Variants in AOPEP observed in about 807,000 individuals in gnomAD.
AOPEP encodes the protein aminopeptidase O.
A neutral mutation model predicts 98.1 loss-of-function variants in AOPEP; 77 were observed. The ratio of observed to expected loss-of-function variants is 0.78; its 90% CI spans 0.65 to 0.95. AOPEP has a LOEUF of 0.95. Among genes scored for constraint, AOPEP ranks in the 40% least tolerant of loss-of-function variants. The pLI, the probability that AOPEP is intolerant of heterozygous loss-of-function variation, is 0.00. For synonymous variants in AOPEP, 346 were observed against 365.3 expected (o/e 0.95, Z 0.60); for missense variants, 1,024 against 1,024.7 (o/e 1.00, Z 0.01).
At chr9:94,809,964 G>A (rs776300212) in intron 5 of AOPEP, 10 of 156,082 alleles carry the variant, frequency 6.4e-5, no homozygotes, top group Non-Finnish European at 1.3e-4. Flanking sequence ...AGCTGATTGT[G>A]CTGCAGGTGT....
chr9:95,121,654 T>C, the AOPEP span, among the ~76,000 whole-genome samples: 3 of 152,186 alleles, frequency 2.0e-5, no homozygotes, highest in East Asian at 5.8e-4. Context: ...ATAACAGTAC[T>C]TCCCCACAGC....
intron 10 of AOPEP, among the ~76,000 whole-genome samples, chr9:94,969,448 T>C (rs1405047207): frequency 6.6e-6 from 1 of 151,392 alleles, no homozygotes; most frequent in Non-Finnish European, 1.5e-5. Flanking sequence ...TCTTACTCTG[T>C]CACCCAGGCT....
chr9:94,757,757 G>A (rs1837389457), intron 1 of AOPEP, among the ~76,000 whole-genome samples: 1 of 152,168 alleles, frequency 6.6e-6, no homozygotes, highest in East Asian at 1.9e-4. Context: ...GTGTGAGCAT[G>A]TGTGTGTTCA....
chr9:94,892,334 T>C (rs551601666), intron 5 of AOPEP, among the ~76,000 whole-genome samples: 1 of 152,256 alleles, frequency 6.6e-6, no homozygotes, highest in South Asian at 2.1e-4. Flanking sequence ...CCTGAAGCAG[T>C]GTTCATTTTT....
rs570100401 is a variant in AOPEP at position 94,897,836 on chromosome 9, T to C, written c.1365-26150T>C. Reference sequence around the variant, plus strand: ...GCAGTATTTACTGAAGTTTCAAAAGTATGCCTTTTTTTTTTTTTTTGGATA... The same window carrying C: ...GCAGTATTTACTGAAGTTTCAAAAGCATGCCTTTTTTTTTTTTTTTGGATA... On this transcript the variant is annotated intron_variant, in intron 5 of 16. Transcript: ENST00000375315. Among the ~76,000 whole-genome samples, 4 of 113,000 alleles carry C rather than the reference T, an allele frequency of 3.5e-5. No homozygotes were observed. The East Asian group carries it at 1.1e-3, about 32-fold the overall frequency. 74.1% of individuals were successfully genotyped at this position (113,000 alleles called of 152,430 possible).
chr9:94,885,593 G>A (rs977571926), intron 5 of AOPEP, among the ~76,000 whole-genome samples: 1 of 151,930 alleles, frequency 6.6e-6, no homozygotes, highest in Non-Finnish European at 1.5e-5. Context: ...TAACTGCAGG[G>A]GAAGCTGGGA....
rs1167005838 is a variant in AOPEP, at chr9:94,972,730, G to A, written c.1916+4929G>A. ...AGGTGGGCAGATCACTTTTAGCTTA[G>A]GAGTTGGAGACCAGCCTGGCCAACA... On this transcript the variant is annotated intron_variant, in intron 10 of 16. Coordinates refer to ENST00000375315, the MANE Select transcript of AOPEP (RefSeq NM_001193329.3). The surrounding 1 kb of genome is among the most constrained non-coding windows in gnomAD (Gnocchi z 4.2). 6.6e-6 allele frequency among the ~76,000 whole-genome samples: 1 copy of A among 152,158 alleles called. No homozygotes were observed. The highest frequency in any genetic ancestry group is 2.4e-5 in the African/African-American group (1 of 41,444).
chr9:94,988,401 A>G (rs1216978616), intron 11 of AOPEP, among the ~76,000 whole-genome samples: 1 of 152,170 alleles, frequency 6.6e-6, no homozygotes, highest in Admixed American at 6.5e-5. Flanking sequence ...GCATATGAGG[A>G]TGGCTTTCTC....
At chr9:95,085,026 A>G (rs1464952419) in intron 16 of AOPEP, among the ~76,000 whole-genome samples, 2 of 152,208 alleles carry the variant, frequency 1.3e-5, no homozygotes, top group Admixed American at 6.5e-5. Context: ...CTGCACTGGC[A>G]TTTTTATGGT....
intron 14 of AOPEP, among the ~76,000 whole-genome samples, chr9:95,071,978 C>T (rs775240403): frequency 1.3e-5 from 2 of 152,190 alleles, no homozygotes; most frequent in Admixed American, 6.5e-5. Flanking sequence ...CTGGTGGAGT[C>T]GTGCTAAAGC....
intron 1 of AOPEP, among the ~76,000 whole-genome samples, chr9:94,742,544 C>G (rs1833389865): frequency 6.6e-6 from 1 of 152,186 alleles, no homozygotes; most frequent in African/African-American, 2.4e-5. Context: ...AAGTGATTCC[C>G]CTGCCTCAGC....
rs369561009 is a variant in AOPEP at position 94,997,955 on chromosome 9, TC to T, written c.1978-7200del. 6.9e-3 allele frequency among the ~76,000 whole-genome samples: 1,045 copies of T among 152,128 alleles called. 14 individuals are homozygous for T. Among genetic ancestry groups the T allele is most frequent in the African/African-American group, 0.024 (1,009 of 41,502 alleles). Reference sequence around the variant, plus strand: ...CTCAAGTGATCCTCCCACCTCAGCCTCCCGAAGTGCTAGCATTACAGGCATG... The same window carrying T: ...CTCAAGTGATCCTCCCACCTCAGCCTCCGAAGTGCTAGCATTACAGGCATG... On this transcript the variant is annotated intron_variant, in intron 11 of 16. Transcript: ENST00000375315.
At chr9:95,089,526 C>A (rs537921237), downstream of AOPEP, among the ~76,000 whole-genome samples, 1 of 152,228 alleles carries the variant, frequency 6.6e-6, no homozygotes, top group African/African-American at 2.4e-5. Flanking sequence ...CTTTCCTCCA[C>A]GCCACAATGC....
intron 13 of AOPEP, among the ~76,000 whole-genome samples, chr9:95,044,402 G>T (rs931849025): frequency 1.3e-5 from 2 of 151,774 alleles, no homozygotes; most frequent in Non-Finnish European, 2.9e-5. Context: ...AGTGAGGGGG[G>T]ATTAAAAGTA....
chr9:94,882,837 A>AT (rs200334226), intron 5 of AOPEP, among the ~76,000 whole-genome samples: 3,271 of 152,334 alleles, frequency 0.021, 90 homozygotes, highest in African/African-American at 0.058. Flanking sequence ...GGTCATCTTA[A>AT]TTCTAAGTTG....
rs193197248 is a variant in AOPEP, at chr9:95,050,317, C to A, written c.2116-10377C>A. ...GCCCTTGTTCTCCTGAAATTAAATCCATTTTATTTTCAGTAGCATGAATTT... is the reference window on the plus strand; with the variant it reads ...GCCCTTGTTCTCCTGAAATTAAATCAATTTTATTTTCAGTAGCATGAATTT... On this transcript the variant is annotated intron_variant, in intron 13 of 16. Coordinates refer to ENST00000375315, the MANE Select transcript of AOPEP (RefSeq NM_001193329.3). Among the ~76,000 whole-genome samples, 5 of 152,252 alleles carry A rather than the reference C, an allele frequency of 3.3e-5. No homozygotes were observed. In the East Asian group the frequency reaches 5.8e-4, roughly 18 times the overall value.
chr9:95,081,273 ACAGG>A (rs1270033896), intron 15 of AOPEP, among the ~76,000 whole-genome samples: 1 of 152,174 alleles, frequency 6.6e-6, no homozygotes, highest in African/African-American at 2.4e-5. Flanking sequence ...CTAGGAGTTC[ACAGG>A]CAGTGCGCAT....
intron 5 of AOPEP, among the ~76,000 whole-genome samples, chr9:94,834,866 A>C (rs1435234062): frequency 1.3e-5 from 2 of 152,182 alleles, no homozygotes; most frequent in Non-Finnish European, 2.9e-5. Flanking sequence ...ACAATAAAAC[A>C]AAAAAGATTT....
At chr9:94,860,175 G>A (rs1254989034) in intron 5 of AOPEP, among the ~76,000 whole-genome samples, 17 of 152,152 alleles carry the variant, frequency 1.1e-4, no homozygotes, top group Admixed American at 1.1e-3. Context: ...GCCAGGAGTA[G>A]GAAGAAGGGC....
Sources: allele counts gnomAD v4.1 joint callset (sites outside exome capture counted in the v4.1 genomes callset), GRCh38; gene constraint gnomAD v4.1.1; non-coding constraint Gnocchi (gnomAD v3.1); transcripts MANE v1.5; gene names NCBI Gene and HGNC (gene_info 2026-07-23, HGNC 2026-07-21).